SLC26A4: variants seen among roughly 807,000 people sequenced by gnomAD.
SLC26A4 encodes solute carrier family 26 member 4, also known as pendrin.
In SLC26A4, 93 loss-of-function variants were observed where a neutral mutation model predicts 90.4. The ratio of observed to expected loss-of-function variants is 1.03; its 90% CI spans 0.87 to 1.22. The LOEUF (loss-of-function observed/expected upper bound fraction) is 1.22, where lower values mean the gene tolerates loss of function less well. Ranked by LOEUF, SLC26A4 falls within the 50% of genes most tolerant of loss-of-function variation. SLC26A4 has a pLI of 0.00. For synonymous variants in SLC26A4, 393 were observed against 354.6 expected (o/e 1.11, Z -1.22); for missense variants, 1,127 against 946.2 (o/e 1.19, Z -2.51).
intron 13 of SLC26A4, among the ~76,000 whole-genome samples, chr7:107,697,489 C>A (rs957031014): frequency 6.6e-6 from 1 of 152,180 alleles, no homozygotes; most frequent in Non-Finnish European, 1.5e-5. Context: ...CGGAATTTAT[C>A]TGATTGCATC....
intron 19 of SLC26A4, among the ~76,000 whole-genome samples, chr7:107,711,274 T>C (rs1792178414): frequency 6.6e-6 from 1 of 152,106 alleles, no homozygotes; most frequent in South Asian, 2.1e-4. Context: ...GAAAGTTGGA[T>C]CATATGAAGT....
chr7:107,689,960 TGTC>T (rs1464164970), intron 9 of SLC26A4, among the ~76,000 whole-genome samples, 161 bp from the exon 10 acceptor site: 4 of 152,204 alleles, frequency 2.6e-5, no homozygotes, highest in Non-Finnish European at 5.9e-5. Context: ...AAACTCCTGA[TGTC>T]GTACAAGGAC....
intron 8 of SLC26A4, among the ~76,000 whole-genome samples, chr7:107,685,529 C>T (rs1791373406): frequency 6.6e-6 from 1 of 152,160 alleles, no homozygotes; most frequent in Non-Finnish European, 1.5e-5. Context: ...AGGATCACTC[C>T]TAACCTAGGA....
chr7:107,675,304 A>G (rs1790993364), intron 6 of SLC26A4, among the ~76,000 whole-genome samples, 195 bp downstream of exon 6: 1 of 142,110 alleles, frequency 7.0e-6, no homozygotes, highest in Admixed American at 6.8e-5. Flanking sequence ...AAAAAAAAAA[A>G]AAGAAAGAAA....
intron 18 of SLC26A4, 79 bp from the exon 19 acceptor site, chr7:107,709,975 A>G: frequency 8.1e-7 from 1 of 1,236,990 alleles, no homozygotes; most frequent in South Asian, 1.2e-5. Context: ...CCTGGGCAAT[A>G]GAATGAGACT....
intron 18 of SLC26A4, among the ~76,000 whole-genome samples, chr7:107,705,440 G>A (rs1792014160): frequency 1.3e-5 from 2 of 152,112 alleles, no homozygotes; most frequent in Admixed American, 6.5e-5. Flanking sequence ...TAATACCAAG[G>A]GTTTATAGTA....
intron 10 of SLC26A4, chr7:107,691,881 C>T: frequency 2.4e-6 from 3 of 1,251,196 alleles, no homozygotes; most frequent in Non-Finnish European, 3.1e-6. Flanking sequence ...GAGGTCAGAG[C>T]CAATTTCCAA....
At chr7:107,696,075 A>G (rs1260318018) in intron 13 of SLC26A4, 36 bp downstream of exon 13, 1 of 1,112,920 alleles carries the variant, frequency 9.0e-7, no homozygotes, top group African/African-American at 1.5e-5. Flanking sequence ...CTATAAACAG[A>G]ACAACACACT....
At chr7:107,714,026 C>T (rs773778105) in intron 20 of SLC26A4, among the ~76,000 whole-genome samples, 1 of 152,090 alleles carries the variant, frequency 6.6e-6, no homozygotes, top group Non-Finnish European at 1.5e-5. Flanking sequence ...GAGATTCTCA[C>T]GTGTGCCTCA....
At chr7:107,674,134 GATTA>G in intron 4 of SLC26A4, 26 bp from the exon 5 acceptor site, 11 of 1,598,690 alleles carry the variant, frequency 6.9e-6, no homozygotes, top group Non-Finnish European at 9.4e-6. Context: ...ATTAATAACT[GATTA>G]ATTGTTAGAG....
intron 13 of SLC26A4, among the ~76,000 whole-genome samples, chr7:107,697,169 T>C (rs1175664577): frequency 6.6e-6 from 1 of 152,242 alleles, no homozygotes; most frequent in East Asian, 1.9e-4. Flanking sequence ...ATGCTGTATA[T>C]GCCTCAGTGT....
At chr7:107,674,456 T>G (rs1177247039) in intron 5 of SLC26A4, 108 bp downstream of exon 5, 1 of 941,138 alleles carries the variant, frequency 1.1e-6, no homozygotes, top group East Asian at 2.6e-5. Context: ...AGTAATTTCC[T>G]GGAACCCAAA....
At chr7:107,708,388 A>G (rs1247099667) in intron 18 of SLC26A4, among the ~76,000 whole-genome samples, 1 of 152,176 alleles carries the variant, frequency 6.6e-6, no homozygotes, top group Non-Finnish European at 1.5e-5. Flanking sequence ...CCTATACAAA[A>G]GAAAAAATTA....
chr7:107,666,444 A>G (rs1178719268), intron 3 of SLC26A4, among the ~76,000 whole-genome samples: 2 of 152,000 alleles, frequency 1.3e-5, no homozygotes, highest in Non-Finnish European at 2.9e-5. Flanking sequence ...CTGGTCTGGA[A>G]CTCCTAGGCT....
At chr7:107,715,095 T>C (rs943591911) in intron 20 of SLC26A4, among the ~76,000 whole-genome samples, 7 of 111,050 alleles carry the variant, frequency 6.3e-5, no homozygotes, top group Admixed American at 2.0e-4. Context: ...ATTAGCTGGG[T>C]GTGGTGGCAG....
chr7:107,694,801 C>G, intron 12 of SLC26A4, 85 bp downstream of exon 12: 1 of 927,482 alleles, frequency 1.1e-6, no homozygotes, highest in Non-Finnish European at 1.8e-6. Context: ...CCCCCCATCC[C>G]CTAAGTCTCA....
At chr7:107,711,246 C>G (rs1792177387) in intron 19 of SLC26A4, among the ~76,000 whole-genome samples, 1 of 151,856 alleles carries the variant, frequency 6.6e-6, no homozygotes, top group African/African-American at 2.4e-5. Flanking sequence ...TTAAAATTCT[C>G]TAACCCATAG....
chr7:107,679,958 T>A (rs1182979541), intron 6 of SLC26A4, among the ~76,000 whole-genome samples: 1 of 124,560 alleles, frequency 8.0e-6, no homozygotes, highest in Non-Finnish European at 1.6e-5. Context: ...TTATATAATA[T>A]AATCTTATTA....
intron 8 of SLC26A4, among the ~76,000 whole-genome samples, chr7:107,688,051 C>A (rs190039293): frequency 4.5e-4 from 69 of 152,262 alleles, no homozygotes; most frequent in African/African-American, 1.6e-3. Flanking sequence ...GGTAGGAAAT[C>A]GTCTAATATC....
Sources: gnomAD v4.1 joint callset for allele counts (sites outside exome capture counted in the v4.1 genomes callset) on GRCh38, gnomAD v4.1.1 for gene constraint, MANE v1.5 for transcripts, NCBI Gene and HGNC (gene_info 2026-07-23, HGNC 2026-07-21) for gene names.